The following ABCG8 variants were observed in gnomAD, a reference collection of about 807,000 sequenced individuals.
ABCG8 encodes ATP-binding cassette sub-family G member 8.
Under a neutral mutation model 71.3 loss-of-function variants are expected in ABCG8, and 81 were observed. The ratio of observed to expected loss-of-function variants is 1.14; its 90% CI spans 0.95 to 1.37. The LOEUF (loss-of-function observed/expected upper bound fraction) is 1.37, where lower values mean the gene tolerates loss of function less well. Among genes scored for constraint, ABCG8 ranks in the 40% most tolerant of loss-of-function variants. The pLI is 0.00. For synonymous variants in ABCG8, 451 were observed against 354.7 expected, an observed-to-expected ratio of 1.27 and a Z score of -3.05; for missense variants, 1,119 against 866.2, an observed-to-expected ratio of 1.29 and a Z score of -3.66.
At chr2:43,857,400 T>C (rs555441463) in intron 6 of ABCG8, among the ~76,000 whole-genome samples, 11 of 152,012 alleles carry the variant, frequency 7.2e-5, no homozygotes, top group Non-Finnish European at 1.3e-4. Context: ...ACTATCTATC[T>C]GGATAGAATT....
At position 43,879,655 on chromosome 2, in the gene ABCG8, G is replaced by A. The variant is rs1177410865; in HGVS notation, c.*1742G>A. On this transcript the variant is annotated 3_prime_UTR_variant, in exon 13 of 13. Transcript: ENST00000272286. ...GCAAGGGGATCTAGACCAGAATCAAGCCTTGGATCTAGTTCTCAAGTCTCT... is the reference window on the plus strand; with the variant it reads ...GCAAGGGGATCTAGACCAGAATCAAACCTTGGATCTAGTTCTCAAGTCTCT... The A allele has an allele frequency of 6.6e-6, 1 of 152,188 alleles. No individual in the cohort carries two copies. The highest frequency in any genetic ancestry group is 1.5e-5 in the Non-Finnish European group (1 of 68,032). The allele number at this position is 152,188 out of a possible 1,614,324, so 9.4% of individuals were successfully genotyped here.
At chr2:43,861,194 C>G (rs941477604) in intron 6 of ABCG8, among the ~76,000 whole-genome samples, 4 of 151,456 alleles carry the variant, frequency 2.6e-5, no homozygotes, top group Non-Finnish European at 5.9e-5. Context: ...AGATAGAACT[C>G]TCACTGACTG....
chr2:43,849,021 TAAAAAAAA>T (rs1193216137), intron 3 of ABCG8, among the ~76,000 whole-genome samples: 10 of 54,706 alleles, frequency 1.8e-4, no homozygotes, highest in Non-Finnish European at 2.8e-4. Flanking sequence ...AAACACTGTC[TAAAAAAAA>T]AAAAAAAAAA....
intron 6 of ABCG8, among the ~76,000 whole-genome samples, chr2:43,870,295 ATCTGGATAGAATTCTAAC>A (rs1255519159): frequency 1.3e-5 from 2 of 151,600 alleles, no homozygotes; most frequent in Non-Finnish European, 2.9e-5. Context: ...AATTCTCACT[ATCTGGATAGAATTCTAAC>A]TCTGGATAGA....
rs1477642475 is a variant in ABCG8 at position 43,872,244 on chromosome 2, C to T, written c.1149C>T (p.Thr383=). 3.7e-6 allele frequency: 6 copies of T among 1,613,992 alleles called. No homozygotes were observed. The highest frequency in any genetic ancestry group is 2.2e-5 in the South Asian group (2 of 91,082). The change falls in exon 8 of 13, where the codon ACC becomes ACT. Residue 383 remains threonine (T), a synonymous_variant. Coordinates refer to ENST00000272286, the MANE Select transcript of ABCG8 (RefSeq NM_022437.3). The part of the protein sequence containing the change: ...CVESSVTPLD[T]NCLPSPTKMP... ...CCAGCAGCGTGACCCCACTAGACACCAACTGCCTCCCGAGTCCTACGAAGA... is the reference window on the plus strand; with the variant it reads ...CCAGCAGCGTGACCCCACTAGACACTAACTGCCTCCCGAGTCCTACGAAGA...
rs1558796477 is a variant in ABCG8 at position 43,844,556 on chromosome 2, T to G, written c.113T>G (p.Phe38Cys). Residue 38 changes from phenylalanine to cysteine, a missense_variant, in exon 2 of 13, where the codon TTC (phenylalanine) becomes TGC (cysteine). Coordinates refer to ENST00000272286, the MANE Select transcript of ABCG8 (RefSeq NM_022437.3). Reference protein sequence around the residue: ...FSSESDNSLYFTYSGQPNTLE... With the variant: ...FSSESDNSLYCTYSGQPNTLE... ...TCTGAAAGTGACAACAGCCTGTACT[T>G]CACCTACAGTGGCCAGCCCAACACC... 6.2e-7 allele frequency: 1 copy of G among 1,614,152 alleles called. No individual in the cohort carries two copies.
At chr2:43,852,003 C>CAAAA (rs1416697308) in intron 4 of ABCG8, among the ~76,000 whole-genome samples, 181 bp downstream of exon 4, 3 of 152,192 alleles carry the variant, frequency 2.0e-5, no homozygotes, top group Non-Finnish European at 4.4e-5. Flanking sequence ...CCCCACAGCC[C>CAAAA]GCCAGAAGCT....
At chr2:43,869,136 G>T (rs1317846241) in intron 6 of ABCG8, among the ~76,000 whole-genome samples, 1 of 151,458 alleles carries the variant, frequency 6.6e-6, no homozygotes, top group Non-Finnish European at 1.5e-5. Context: ...TCACTCTCTG[G>T]ATAGATCTCT....
At chr2:43,858,380 C>G (rs1669186364) in intron 6 of ABCG8, among the ~76,000 whole-genome samples, 1 of 151,656 alleles carries the variant, frequency 6.6e-6, no homozygotes, top group Non-Finnish European at 1.5e-5. Context: ...ATAGAATTCT[C>G]AACATCTGGA....
chr2:43,844,308 A>G (rs1359886114), intron 1 of ABCG8, among the ~76,000 whole-genome samples, 199 bp from the exon 2 acceptor site: 1 of 152,112 alleles, frequency 6.6e-6, no homozygotes, highest in Non-Finnish European at 1.5e-5. Context: ...CTCTGAAGGG[A>G]AGAGGAGATG....
At chr2:43,861,890 A>C (rs759400050) in intron 6 of ABCG8, among the ~76,000 whole-genome samples, 5 of 150,344 alleles carry the variant, frequency 3.3e-5, no homozygotes, top group Admixed American at 6.6e-5. Context: ...AAATCTCACT[A>C]TCTATCTGGA....
At chr2:43,867,748 T>C (rs554731240) in intron 6 of ABCG8, among the ~76,000 whole-genome samples, 1 of 151,954 alleles carries the variant, frequency 6.6e-6, no homozygotes, top group South Asian at 2.1e-4. Flanking sequence ...TCTCACCCTC[T>C]GGATAGAACT....
rs958333784 is a variant in ABCG8 at position 43,846,078 on chromosome 2, G to A, written c.166-77G>A. On this transcript the variant is annotated intron_variant, in intron 2 of 12. Coordinates refer to ENST00000272286, the MANE Select transcript of ABCG8 (RefSeq NM_022437.3). ...TGTGGAGAGGGGCCACCTGGGGAAC[G>A]AAGATGCTGAACAGAAGTTGCTGAA... The A allele has an allele frequency of 1.2e-4, 189 of 1,541,480 alleles. 2 individuals carry two copies. The highest frequency in any genetic ancestry group is 7.0e-4 in the Middle Eastern group (3 of 4,302).
chr2:43,846,269 A>T lies in ABCG8; in HGVS notation c.280A>T (p.Lys94Ter). The change falls in exon 3 of 13, where the codon AAA (lysine) becomes TAA (stop). Residue 94 changes from lysine (K) to a stop codon, truncating the protein, a stop_gained. Coordinates refer to ENST00000272286, the MANE Select transcript of ABCG8 (RefSeq NM_022437.3). LOFTEE classifies it high-confidence loss of function. ...GCTGGGCATCCAGAACCTAAGCTTC[A>T]AAGTGAGAAGTGGGCAGATGCTGGC... is the stretch of plus-strand genomic sequence containing the variant. ...CELGIQNLSF[K>*]VRSGQMLAII... is the part of the protein sequence containing the mutation. 2.5e-6 allele frequency: 4 copies of T among 1,614,206 alleles called. No individual in the cohort carries two copies. The highest frequency in any genetic ancestry group is 3.4e-6 in the Non-Finnish European group (4 of 1,180,030).
chr2:43,862,906 C>G (rs1669378295), intron 6 of ABCG8, among the ~76,000 whole-genome samples: 9 of 149,002 alleles, frequency 6.0e-5, no homozygotes, highest in African/African-American at 2.0e-4. Flanking sequence ...CATCTGGAAA[C>G]AACTCTTACA....
At position 43,872,103 on chromosome 2, in the gene ABCG8, G is replaced by C; in HGVS notation, c.1092G>C (p.Glu364Asp). ...TAGATGACTTTCTATGGAAAGCAGAGACGAAGGATCTTGACGAGGACACCT... is the reference window on the plus strand; with the variant it reads ...TAGATGACTTTCTATGGAAAGCAGACACGAAGGATCTTGACGAGGACACCT... ...RDLDDFLWKA[E>D]TKDLDEDTCV... The change falls in exon 7 of 13, where the codon GAG becomes GAC. Residue 364 changes from glutamate (E) to aspartate (D), a missense_variant. By Grantham distance (45) the Glu-to-Asp change is conservative. Coordinates refer to ENST00000272286, the MANE Select transcript of ABCG8 (RefSeq NM_022437.3). The C allele has an allele frequency of 6.2e-7, 1 of 1,614,152 alleles. No homozygotes were observed. Among genetic ancestry groups the C allele is most frequent in the Non-Finnish European group, 8.5e-7 (1 of 1,180,050 alleles).
At chr2:43,858,213 ACT>A (rs1558822162) in intron 6 of ABCG8, among the ~76,000 whole-genome samples, 4 of 151,596 alleles carry the variant, frequency 2.6e-5, no homozygotes, top group Non-Finnish European at 5.9e-5. Flanking sequence ...TAGAATTCTC[ACT>A]CTCTGGATAG....
intron 6 of ABCG8, among the ~76,000 whole-genome samples, chr2:43,857,032 T>C (rs1442812986): frequency 6.6e-6 from 1 of 151,956 alleles, no homozygotes; most frequent in Non-Finnish European, 1.5e-5. Context: ...TCTCACTCTC[T>C]GGATATAACT....
In ABCG8 at chr2:43,875,173, G is replaced by A; in HGVS notation, c.1516G>A (p.Ala506Thr). Residue 506 changes from alanine to threonine, a missense_variant, in exon 11 of 13, where the codon GCC becomes ACC. Physicochemically the swap from Ala to Thr is moderately conservative, Grantham distance 58. Transcript: ENST00000272286. ...KILGELPEHC[A>T]YIIIYGMPTY... ...CCTCGGGGAGCTTCCGGAGCACTGT[G>A]CCTACATCATCATCTACGGGATGCC... 1.9e-6 allele frequency: 3 copies of A among 1,614,248 alleles called. No individual in the cohort carries two copies. The highest frequency in any genetic ancestry group is 2.5e-6 in the Non-Finnish European group (3 of 1,180,038).
Sources: allele counts gnomAD v4.1 joint callset (sites outside exome capture counted in the v4.1 genomes callset), GRCh38; gene constraint gnomAD v4.1.1; transcripts MANE v1.5; gene names NCBI Gene and HGNC (gene_info 2026-07-23, HGNC 2026-07-21).